The following LNX2 variants were observed in gnomAD, a reference collection of about 807,000 sequenced individuals.
LNX2 encodes ligand of Numb protein X 2.
In LNX2, 35 loss-of-function variants were observed where a neutral mutation model predicts 66.2. The ratio of observed to expected loss-of-function variants is 0.53; its 90% CI spans 0.40 to 0.70. LNX2 has a LOEUF of 0.70. LNX2 is among the 30% of genes least tolerant of loss of function. The pLI, the probability that LNX2 is intolerant of heterozygous loss-of-function variation, is 0.00. For missense variants in LNX2, 791 were observed against 850.8 expected (o/e 0.93, Z 0.87); for synonymous variants, 337 against 315.6 (o/e 1.07, Z -0.72).
chr13:27,582,783 C>G (rs1955415602), intron 1 of LNX2, among the ~76,000 whole-genome samples: 1 of 152,020 alleles, frequency 6.6e-6, no homozygotes, highest in Non-Finnish European at 1.5e-5. Flanking sequence ...GGAGTAACAC[C>G]TAATGTAGAT....
intron 1 of LNX2, among the ~76,000 whole-genome samples, chr13:27,599,554 A>G (rs1045272932): frequency 1.3e-5 from 2 of 152,218 alleles, no homozygotes; most frequent in Non-Finnish European, 2.9e-5. Context: ...CGTTACAGAC[A>G]ATATACTTAT....
chr13:27,579,759 G>T (rs982205143), intron 2 of LNX2, among the ~76,000 whole-genome samples: 1 of 152,104 alleles, frequency 6.6e-6, no homozygotes, highest in East Asian at 1.9e-4. Context: ...ACACTGAAAA[G>T]AACAGTTCTA....
At chr13:27,566,836 T>C (rs1476098614) in intron 4 of LNX2, among the ~76,000 whole-genome samples, 1 of 152,126 alleles carries the variant, frequency 6.6e-6, no homozygotes, top group African/African-American at 2.4e-5. Flanking sequence ...TTCCTCTCTC[T>C]CCTAGAAGTT....
chr13:27,585,396 T>G (rs1308039227), intron 1 of LNX2, among the ~76,000 whole-genome samples: 1 of 151,424 alleles, frequency 6.6e-6, no homozygotes, highest in Admixed American at 6.6e-5. Flanking sequence ...CACTGCAGCC[T>G]GGGCAACACA....
chr13:27,584,310 GGGAGGCTGA>G (rs143618492), intron 1 of LNX2, among the ~76,000 whole-genome samples: 16,085 of 151,778 alleles, frequency 0.11, 1,008 homozygotes, highest in East Asian at 0.28. Context: ...GGAGGAGTTT[GGGAGGCTGA>G]GGTGGGAGGA....
chr13:27,567,820 A>AGGG lies in LNX2; in HGVS notation c.674_675insCCC (p.Ser225_Leu226insPro), dbSNP rs754494910. The AGGG allele has an allele frequency of 5.6e-6, 9 of 1,614,018 alleles. No individual in the cohort carries two copies. The highest frequency in any genetic ancestry group is 7.6e-6 in the Non-Finnish European group (9 of 1,179,924). On this transcript the variant is annotated inframe_insertion, in exon 4 of 10. Transcript: ENST00000316334. ...TCGTGGTGATTTCTCCTTCTGGTAA[A>AGGG]CTAAGTGGCTGTTGTGTGGCTGCCA...
At chr13:27,555,896 C>T (rs531926576) in intron 7 of LNX2, among the ~76,000 whole-genome samples, 2 of 152,314 alleles carry the variant, frequency 1.3e-5, no homozygotes, top group Admixed American at 6.5e-5. Context: ...CCCTTCTACA[C>T]AGACACTTTA....
At chr13:27,578,262 C>G (rs1486094911) in intron 2 of LNX2, among the ~76,000 whole-genome samples, 2 of 152,152 alleles carry the variant, frequency 1.3e-5, no homozygotes, top group Admixed American at 1.3e-4. Flanking sequence ...CCTAAAAGCT[C>G]AAGAGCAAAG....
At chr13:27,598,099 C>A (rs75981960) in intron 1 of LNX2, among the ~76,000 whole-genome samples, 6,686 of 151,886 alleles carry the variant, frequency 0.044, 210 homozygotes, top group Non-Finnish European at 0.067. Context: ...AAAACTGGGG[C>A]ACTGTGCTAA....
chr13:27,583,261 C>CGTGCGTGGGCGT lies in LNX2; in HGVS notation c.-100-1459_-100-1458insACGCCCACGCAC, dbSNP rs1555268534. On this transcript the variant is annotated intron_variant, in intron 1 of 9. Coordinates refer to ENST00000316334, the MANE Select transcript of LNX2 (RefSeq NM_153371.4). ...GTGTGTGTGTGTGTGTGTGTGCGCG[C>CGTGCGTGGGCGT]GTCCTCTCCAACATACTTATTTTTA... Among the ~76,000 whole-genome samples, 2 of 45,480 alleles carry CGTGCGTGGGCGT rather than the reference C, an allele frequency of 4.4e-5. 1 individual carries two copies. The highest frequency in any genetic ancestry group is 1.7e-4 in the African/African-American group (2 of 11,766). 29.8% of individuals were successfully genotyped at this position (45,480 alleles called of 152,430 possible).
intron 1 of LNX2, among the ~76,000 whole-genome samples, chr13:27,596,353 G>C (rs978268387): frequency 6.6e-6 from 1 of 152,126 alleles, no homozygotes; most frequent in African/African-American, 2.4e-5. Flanking sequence ...ATTCACAATT[G>C]AGTGAGATGT....
chr13:27,577,991 G>A (rs573496686), intron 2 of LNX2, among the ~76,000 whole-genome samples: 7 of 152,160 alleles, frequency 4.6e-5, no homozygotes, highest in Non-Finnish European at 8.8e-5. Context: ...TTCAAAGATA[G>A]AGACTGTCCA....
intron 1 of LNX2, among the ~76,000 whole-genome samples, chr13:27,614,271 A>T (rs1955803953): frequency 6.6e-6 from 1 of 152,226 alleles, no homozygotes; most frequent in Non-Finnish European, 1.5e-5. Flanking sequence ...AGGTCACAGG[A>T]TATGCAACTT....
At chr13:27,609,298 G>A (rs571059812) in intron 1 of LNX2, among the ~76,000 whole-genome samples, 17 of 152,092 alleles carry the variant, frequency 1.1e-4, no homozygotes, top group Admixed American at 5.9e-4. Flanking sequence ...AACTACAGGC[G>A]TGCATCACCA....
chr13:27,586,772 T>A (rs1022965782), intron 1 of LNX2, among the ~76,000 whole-genome samples: 6 of 152,244 alleles, frequency 3.9e-5, no homozygotes, highest in African/African-American at 1.4e-4. Context: ...GCATCTTTTC[T>A]AACTGTATAA....
intron 1 of LNX2, among the ~76,000 whole-genome samples, chr13:27,583,222 G>GTCC (rs1555268486): frequency 4.7e-5 from 1 of 21,464 alleles, no homozygotes; most frequent in African/African-American, 4.6e-4. Flanking sequence ...GTGTGTGTGT[G>GTCC]TGTGTGTGTG....
intron 1 of LNX2, among the ~76,000 whole-genome samples, chr13:27,617,245 AGGTAGGCCT>A (rs1955837622): frequency 1.3e-5 from 2 of 152,346 alleles, no homozygotes; most frequent in African/African-American, 4.8e-5. Flanking sequence ...GGGTCAATTT[AGGTAGGCCT>A]GCCCCAGTCT....
intron 1 of LNX2, among the ~76,000 whole-genome samples, chr13:27,616,174 TG>T (rs1222027544): frequency 1.9e-4 from 2 of 10,302 alleles, no homozygotes; most frequent in East Asian, 5.4e-3. Context: ...GGGTCGGGGG[TG>T]GGGTGGGGGG....
intron 1 of LNX2, among the ~76,000 whole-genome samples, chr13:27,588,335 G>A (rs1320378837): frequency 6.6e-6 from 1 of 152,160 alleles, no homozygotes; most frequent in African/African-American, 2.4e-5. Context: ...GTTTTACTCA[G>A]CGATAAAAAG....
Sources: allele counts gnomAD v4.1 joint callset (sites outside exome capture counted in the v4.1 genomes callset), GRCh38; gene constraint gnomAD v4.1.1; transcripts MANE v1.5; gene names NCBI Gene and HGNC (gene_info 2026-07-23, HGNC 2026-07-21).